CTNNA3: variants seen among roughly 807,000 people sequenced by gnomAD.
CTNNA3 encodes the protein catenin alpha 3, also known as catenin alpha-3.
In CTNNA3, 76 loss-of-function variants were observed where a neutral mutation model predicts 95.7. That is an observed-to-expected ratio of 0.79 (90% CI 0.66 to 0.96). CTNNA3 has a LOEUF of 0.96. CTNNA3 is among the 40% of genes least tolerant of loss of function. CTNNA3 has a pLI of 0.00. For synonymous variants in CTNNA3, 431 were observed against 374.4 expected (o/e 1.15, Z -1.74); for missense variants, 1,191 against 1,089.8 (o/e 1.09, Z -1.31).
At chr10:66,711,237 C>T (rs1311007794) in intron 9 of CTNNA3, among the ~76,000 whole-genome samples, 3 of 141,860 alleles carry the variant, frequency 2.1e-5, no homozygotes, top group African/African-American at 8.0e-5. Flanking sequence ...ACTTTTTCAG[C>T]CTTTCACCGT....
intron 15 of CTNNA3, among the ~76,000 whole-genome samples, chr10:66,010,284 A>G (rs2078979816): frequency 6.6e-6 from 1 of 152,190 alleles, no homozygotes; most frequent in African/African-American, 2.4e-5. Context: ...ATTGCTCCTC[A>G]TTTCAGATGC....
intron 7 of CTNNA3, among the ~76,000 whole-genome samples, chr10:66,880,461 T>C (rs911894306): frequency 6.6e-6 from 1 of 152,140 alleles, no homozygotes; most frequent in African/African-American, 2.4e-5. Flanking sequence ...TGTTCAGCTA[T>C]TAATGTTTCA....
At chr10:66,112,120 C>T (rs2082142585) in intron 13 of CTNNA3, among the ~76,000 whole-genome samples, 1 of 152,038 alleles carries the variant, frequency 6.6e-6, no homozygotes, top group Non-Finnish European at 1.5e-5. Flanking sequence ...AAACATAGTC[C>T]ACTCTAATTC....
chr10:67,023,567 G>T (rs1473330996), intron 7 of CTNNA3, among the ~76,000 whole-genome samples: 1 of 152,122 alleles, frequency 6.6e-6, no homozygotes, highest in African/African-American at 2.4e-5. Context: ...CCCAAGCAAA[G>T]TCTAATGCTG....
chr10:67,386,629 C>A (rs1470014897), intron 5 of CTNNA3, among the ~76,000 whole-genome samples: 2 of 152,150 alleles, frequency 1.3e-5, no homozygotes, highest in Non-Finnish European at 2.9e-5. Flanking sequence ...TGAGGAAGAT[C>A]ATCTTAAAGG....
At chr10:66,323,992 T>A (rs900029346) in intron 12 of CTNNA3, among the ~76,000 whole-genome samples, 1 of 151,734 alleles carries the variant, frequency 6.6e-6, no homozygotes, top group Admixed American at 6.6e-5. Context: ...TTCCACTCCA[T>A]CCCCACTTCT....
intron 7 of CTNNA3, among the ~76,000 whole-genome samples, chr10:66,989,638 A>G (rs1425946699): frequency 3.3e-5 from 5 of 152,298 alleles, no homozygotes; most frequent in Non-Finnish European, 7.3e-5. Context: ...CTTTTTCTAT[A>G]TATGAGTGAA....
intron 11 of CTNNA3, among the ~76,000 whole-genome samples, chr10:66,492,128 C>T (rs10997187): frequency 0.082 from 12,451 of 152,100 alleles, 1,203 homozygotes; most frequent in East Asian, 0.32. Context: ...TCAATGTTTC[C>T]CACAAGAAAA....
intron 9 of CTNNA3, among the ~76,000 whole-genome samples, chr10:66,737,392 T>C (rs1240215092): frequency 6.6e-6 from 1 of 152,182 alleles, no homozygotes; most frequent in Non-Finnish European, 1.5e-5. Flanking sequence ...CACCACTGTA[T>C]ATATGTTATT....
intron 6 of CTNNA3, among the ~76,000 whole-genome samples, chr10:67,190,507 A>G (rs1225690785): frequency 6.6e-6 from 1 of 151,984 alleles, no homozygotes; most frequent in East Asian, 1.9e-4. Context: ...GCTTCATTTC[A>G]TATTACTTAT....
chr10:66,925,477 C>T (rs1335546291), intron 7 of CTNNA3, among the ~76,000 whole-genome samples: 1 of 152,084 alleles, frequency 6.6e-6, no homozygotes, highest in African/African-American at 2.4e-5. Flanking sequence ...AAACTATAGC[C>T]ATAAAATCAA....
At chr10:66,840,322 C>CCTCTCTCTCTCT (rs1843006264) in intron 7 of CTNNA3, among the ~76,000 whole-genome samples, 1 of 89,522 alleles carries the variant, frequency 1.1e-5, no homozygotes, top group East Asian at 5.2e-4. Flanking sequence ...TCCAAGAAGC[C>CCTCTCTCTCTCT]ATCTCTCTCT....
rs151036538 is a variant in CTNNA3, at chr10:67,677,430, T to C, written c.-6+18570A>G. Among the ~76,000 whole-genome samples, 552 of 152,284 alleles carry C rather than the reference T, an allele frequency of 3.6e-3. 5 individuals are homozygous for C. Among genetic ancestry groups the C allele is most frequent in the African/African-American group, 0.012 (518 of 41,562 alleles). On this transcript the variant is annotated intron_variant, in intron 1 of 17. Transcript: ENST00000433211. ...ATCAAGAGTGTGTCCTGTATTTTTA[T>C]TTACTAAATCTGGCCACTTTACCTT...
chr10:66,649,513 G>A (rs1200493135), intron 9 of CTNNA3, among the ~76,000 whole-genome samples: 5 of 152,164 alleles, frequency 3.3e-5, no homozygotes, highest in African/African-American at 2.4e-5. Context: ...ACCCTTACGG[G>A]AAGGAAAGTG....
intron 11 of CTNNA3, among the ~76,000 whole-genome samples, chr10:66,403,545 G>A (rs1006112903): frequency 1.3e-5 from 2 of 152,122 alleles, no homozygotes; most frequent in Admixed American, 6.6e-5. Context: ...GCAGCATGGA[G>A]GGAACTGCCC....
intron 7 of CTNNA3, among the ~76,000 whole-genome samples, chr10:66,949,032 T>G (rs1848408576): frequency 1.3e-5 from 2 of 152,182 alleles, no homozygotes. Flanking sequence ...AAAAAGCATG[T>G]AATCTTGCAA....
chr10:66,145,820 T>C (rs891634834), intron 13 of CTNNA3, among the ~76,000 whole-genome samples: 7 of 152,174 alleles, frequency 4.6e-5, no homozygotes, highest in Non-Finnish European at 8.8e-5. Context: ...GAGACATGAA[T>C]GCTGGTTATC....
intron 3 of CTNNA3, among the ~76,000 whole-genome samples, chr10:67,575,286 T>A (rs944584099): frequency 3.1e-4 from 47 of 152,252 alleles, no homozygotes; most frequent in African/African-American, 1.1e-3. Flanking sequence ...TCTTCTTCTT[T>A]TTTTCCCCCA....
chr10:67,398,777 T>C lies in CTNNA3; in HGVS notation c.579+123065A>G, dbSNP rs575785364. On this transcript the variant is annotated intron_variant, in intron 5 of 17. Coordinates refer to ENST00000433211, the MANE Select transcript of CTNNA3 (RefSeq NM_013266.4). ...TACCTCTACACTGTTGCTTTCATGA[T>C]AGTGAGTGAGTTCTCATGAGATCTG... is the stretch of plus-strand genomic sequence containing the variant. 1.1e-4 allele frequency among the ~76,000 whole-genome samples: 16 copies of C among 152,262 alleles called. No homozygotes were observed. In the South Asian group the frequency reaches 2.7e-3, roughly 26 times the overall value.
Sources: allele counts gnomAD v4.1 joint callset (sites outside exome capture counted in the v4.1 genomes callset), GRCh38; gene constraint gnomAD v4.1.1; transcripts MANE v1.5; gene names NCBI Gene and HGNC (gene_info 2026-07-23, HGNC 2026-07-21).